The following HNRNPUL1 variants were observed in gnomAD, a reference collection of about 807,000 sequenced individuals.
HNRNPUL1 encodes heterogeneous nuclear ribonucleoprotein U like 1, also known as heterogeneous nuclear ribonucleoprotein U-like protein 1.
Under a neutral mutation model 108.5 loss-of-function variants are expected in HNRNPUL1, and 14 were observed. The observed-to-expected ratio is 0.13, with a 90% confidence interval of 0.09 to 0.20. The LOEUF (loss-of-function observed/expected upper bound fraction) is 0.20, where lower values mean the gene tolerates loss of function less well. Ranked by LOEUF, HNRNPUL1 falls within the 10% of genes least tolerant of loss-of-function variation. The probability of loss-of-function intolerance (pLI) is 1.00; values close to 1 mark genes in which losing one functional copy is unlikely to be tolerated. For missense variants in HNRNPUL1, 804 were observed against 1,168.3 expected, an observed-to-expected ratio of 0.69 and a Z score of 4.55; for synonymous variants, 422 against 445.2, an observed-to-expected ratio of 0.95 and a Z score of 0.66.
intron 10 of HNRNPUL1, among the ~76,000 whole-genome samples, chr19:41,300,120 C>T (rs2037118284): frequency 6.6e-6 from 1 of 152,114 alleles, no homozygotes; most frequent in Admixed American, 6.5e-5. Context: ...CCTGTGTCCC[C>T]CTACTTGAGT....
chr19:41,301,069 C>G (rs1191816793), intron 10 of HNRNPUL1, among the ~76,000 whole-genome samples: 3 of 152,170 alleles, frequency 2.0e-5, no homozygotes, highest in African/African-American at 7.2e-5. Context: ...TAATACAATT[C>G]TTTTTGTGTA....
At chr19:41,300,441 C>T (rs1383687716) in intron 10 of HNRNPUL1, among the ~76,000 whole-genome samples, 1 of 152,034 alleles carries the variant, frequency 6.6e-6, no homozygotes, top group Non-Finnish European at 1.5e-5. Context: ...GTTAAAAACT[C>T]CTTACTCCGT....
upstream of HNRNPUL1, among the ~76,000 whole-genome samples, chr19:41,263,176 C>CGTGTGG (rs1355700960): frequency 1.3e-5 from 2 of 151,822 alleles, no homozygotes; most frequent in Non-Finnish European, 2.9e-5. Context: ...GCGGGCTTAA[C>CGTGTGG]GTGTGGCTCA....
rs113897762 is a variant in HNRNPUL1, at chr19:41,302,952, G to T, written c.1972+3G>T. On this transcript the variant is annotated splice_donor_region_variant and intron_variant, in intron 12 of 14. Coordinates refer to ENST00000392006, the MANE Select transcript of HNRNPUL1 (RefSeq NM_007040.6). ...TGGAGGAGGCAACTACCGAGGAGGT[G>T]AGACATCTCACACACAGCACTCTCC... 2 of 1,522,450 alleles carry T rather than the reference G, an allele frequency of 1.3e-6. No individual in the cohort carries two copies. The highest frequency in any genetic ancestry group is 1.8e-6 in the Non-Finnish European group (2 of 1,137,234). 94.3% of individuals were successfully genotyped at this position (1,522,450 alleles called of 1,614,324 possible). A position where few individuals can be genotyped will look rare whatever the true frequency, so the allele number is the denominator to read the frequency against.
At chr19:41,268,168 C>T (rs1335773828) in intron 1 of HNRNPUL1, 55 bp from the exon 2 acceptor site, 56 of 1,594,708 alleles carry the variant, frequency 3.5e-5, no homozygotes, top group Middle Eastern at 3.3e-4. Context: ...ATGCTTTGGT[C>T]CAGGGTTCTT....
At position 41,304,144 on chromosome 19, in the gene HNRNPUL1, C is replaced by T. The variant is rs188741107; in HGVS notation, c.2145C>T (p.Pro715=). 2 of 1,614,176 alleles carry T rather than the reference C, an allele frequency of 1.2e-6. No individual in the cohort carries two copies. Among genetic ancestry groups the T allele is most frequent in the East Asian group, 4.5e-5 (2 of 44,878 alleles). The change falls in exon 13 of 15, where the codon CCC becomes CCT. Residue 715 remains proline (P), a synonymous_variant. Transcript: ENST00000392006. ...CACCCCAGCAGCCACCGCCACCACC[C>T]AGCTACAGCCCTGCTCGGAACCCCC... ...QPPPQQPPPP[P]SYSPARNPPG...
At chr19:41,284,062 G>A (rs540804971) in intron 7 of HNRNPUL1, among the ~76,000 whole-genome samples, 5 of 152,152 alleles carry the variant, frequency 3.3e-5, no homozygotes, top group African/African-American at 9.7e-5. Context: ...AAGTGATCTC[G>A]CAATTCTTGT....
chr19:41,294,264 C>A lies in HNRNPUL1; in HGVS notation c.1267-74C>A, dbSNP rs1240320020. The A allele has an allele frequency of 1.9e-6, 3 of 1,564,060 alleles. No individual in the cohort carries two copies. Among genetic ancestry groups the A allele is most frequent in the Admixed American group, 1.7e-5 (1 of 58,878 alleles). ...GCCACAGCTCAGAGGTCCAGAGTCA[C>A]ACTCACAGTCACCACCGAGCCAAGT... On this transcript the variant is annotated intron_variant, in intron 8 of 14. Coordinates refer to ENST00000392006, the MANE Select transcript of HNRNPUL1 (RefSeq NM_007040.6). The surrounding 1 kb of genome is among the most constrained non-coding windows in gnomAD (Gnocchi z 4.3).
In HNRNPUL1 at chr19:41,264,659, C is replaced by T. The variant is rs2034697512; in HGVS notation, c.156C>T (p.Asp52=). ...PDDERELDAD[D]EPGRPGHINE... is the part of the protein sequence containing the mutation. ...ACGAGCGGGAGCTCGACGCCGACGA[C>T]GAACCGGGGCGACCCGGGCACATCA... Residue 52 remains aspartate, a synonymous_variant, in exon 1 of 15, where the codon GAC becomes GAT. Transcript: ENST00000392006. 2 of 1,583,558 alleles carry T rather than the reference C, an allele frequency of 1.3e-6. No individual in the cohort carries two copies. Among genetic ancestry groups the T allele is most frequent in the Admixed American group, 1.7e-5 (1 of 59,012 alleles).
At chr19:41,297,132 C>CA (rs1267970256) in intron 10 of HNRNPUL1, among the ~76,000 whole-genome samples, 1 of 152,156 alleles carries the variant, frequency 6.6e-6, no homozygotes, top group Non-Finnish European at 1.5e-5. Context: ...AGCTGTGGAA[C>CA]ATCAGAAGAG....
intron 6 of HNRNPUL1, among the ~76,000 whole-genome samples, chr19:41,280,668 G>A (rs149463637): frequency 6.6e-6 from 1 of 152,104 alleles, no homozygotes; most frequent in East Asian, 1.9e-4. Flanking sequence ...GTCAGCCAGA[G>A]CCCTTGGGAT....
At chr19:41,289,902 G>A (rs1161169937) in intron 7 of HNRNPUL1, among the ~76,000 whole-genome samples, 1 of 151,838 alleles carries the variant, frequency 6.6e-6, no homozygotes, top group African/African-American at 2.4e-5. Flanking sequence ...TAGTAGAGAC[G>A]GAGTTTCACC....
At chr19:41,269,383 G>A (rs2035067794) in intron 2 of HNRNPUL1, among the ~76,000 whole-genome samples, 1 of 150,148 alleles carries the variant, frequency 6.7e-6, no homozygotes, top group Non-Finnish European at 1.5e-5. Flanking sequence ...AGGAGACAAA[G>A]GTAGGAGGAT....
intron 3 of HNRNPUL1, 45 bp downstream of exon 3, chr19:41,272,280 A>G (rs764833082): frequency 5.6e-6 from 9 of 1,594,146 alleles, no homozygotes; most frequent in East Asian, 2.2e-5. Context: ...GTAGGTTTCT[A>G]TATCCATAGC....
intron 5 of HNRNPUL1, among the ~76,000 whole-genome samples, chr19:41,276,990 C>T (rs1490119645): frequency 1.3e-5 from 2 of 151,230 alleles, no homozygotes; most frequent in African/African-American, 4.9e-5. Flanking sequence ...CCTAGCTATT[C>T]AGGAGGCTGA....
In HNRNPUL1 at chr19:41,306,848, G is replaced by A. The variant is rs959454954; in HGVS notation, c.*283G>A. ...TGTTCTTCCTACCTTCTTCCTTTTTGACTAAATAATCCCCACCTCCCTTGA... is the reference window on the plus strand; with the variant it reads ...TGTTCTTCCTACCTTCTTCCTTTTTAACTAAATAATCCCCACCTCCCTTGA... On this transcript the variant is annotated 3_prime_UTR_variant, in exon 15 of 15. Coordinates refer to ENST00000392006, the MANE Select transcript of HNRNPUL1 (RefSeq NM_007040.6). 3.8e-6 allele frequency: 1 copy of A among 266,514 alleles called. No homozygotes were observed. Among genetic ancestry groups the A allele is most frequent in the Non-Finnish European group, 7.1e-6 (1 of 140,486 alleles). 16.5% of individuals were successfully genotyped at this position (266,514 alleles called of 1,614,324 possible).
chr19:41,282,895 C>T (rs1188613293), intron 7 of HNRNPUL1, among the ~76,000 whole-genome samples: 1 of 151,164 alleles, frequency 6.6e-6, no homozygotes, highest in African/African-American at 2.4e-5. Context: ...GGGGTTTCAC[C>T]GTTTTAGCCG....
At chr19:41,302,560 A>C (rs2037290872) in intron 11 of HNRNPUL1, 105 bp from the exon 12 acceptor site, 1 of 1,403,140 alleles carries the variant, frequency 7.1e-7, no homozygotes. Context: ...AGTTTTCTTC[A>C]CCTTCTCCCT....
intron 7 of HNRNPUL1, among the ~76,000 whole-genome samples, chr19:41,287,198 TAG>T (rs979921626): frequency 6.6e-6 from 1 of 151,800 alleles, no homozygotes; most frequent in African/African-American, 2.4e-5. Flanking sequence ...GTATTTTTAG[TAG>T]AGACAGGGTT....
Sources: gnomAD v4.1 joint callset for allele counts (sites outside exome capture counted in the v4.1 genomes callset) on GRCh38, gnomAD v4.1.1 for gene constraint, Gnocchi (gnomAD v3.1) non-coding constraint, MANE v1.5 for transcripts, NCBI Gene and HGNC (gene_info 2026-07-23, HGNC 2026-07-21) for gene names.